Variants in ZNF479 observed in about 807,000 individuals in gnomAD.
ZNF479 encodes KRAB zinc finger protein KR19.
ZNF479 carries 15 observed loss-of-function variants against 14.7 expected under a neutral mutation model. The observed-to-expected ratio is 1.02, with a 90% confidence interval of 0.68 to 1.57. ZNF479 has a LOEUF of 1.57. Ranked by LOEUF, ZNF479 falls within the 40% of genes most tolerant of loss-of-function variation. The pLI is 0.00. For missense variants in ZNF479, 506 were observed against 615.1 expected (o/e 0.82, Z 1.88); for synonymous variants, 145 against 211.5 (o/e 0.69, Z 2.73).
At chr7:57,122,968 T>C (rs1277630845) in intron 3 of ZNF479, among the ~76,000 whole-genome samples, 4 of 152,050 alleles carry the variant, frequency 2.6e-5, no homozygotes, top group Admixed American at 2.0e-4. Flanking sequence ...TTTTCAATAA[T>C]AAAAAATTTA....
chr7:57,124,380 C>T (rs1358093008), intron 3 of ZNF479, among the ~76,000 whole-genome samples: 6 of 152,180 alleles, frequency 3.9e-5, no homozygotes, highest in Admixed American at 2.0e-4. Context: ...AATATAATCC[C>T]TTCAACAGCT....
chr7:57,134,056 A>G (rs1288592643), upstream of ZNF479, among the ~76,000 whole-genome samples: 1 of 152,208 alleles, frequency 6.6e-6, no homozygotes, highest in Non-Finnish European at 1.5e-5. Context: ...TGCAGTTCAC[A>G]CTAGCCACAT....
Position 57,117,878 on chromosome 7 carries a change from C to G in ZNF479, c.*1962G>C, listed in dbSNP as rs1469855492. On this transcript the variant is annotated 3_prime_UTR_variant, in exon 4 of 4. Transcript: ENST00000319636. Reference sequence around the variant, plus strand: ...TTTTATAGAAGAAAGAAGCATACCTCGAAGGTAATTATGAATCTCGAAAAA... The same window carrying G: ...TTTTATAGAAGAAAGAAGCATACCTGGAAGGTAATTATGAATCTCGAAAAA... Among the ~76,000 whole-genome samples, 1 of 152,238 alleles carries G rather than the reference C, an allele frequency of 6.6e-6. No individual in the cohort carries two copies. Among genetic ancestry groups the G allele is most frequent in the Admixed American group, 6.5e-5 (1 of 15,288 alleles).
chr7:57,131,728 C>A (rs914668902), intron 1 of ZNF479, among the ~76,000 whole-genome samples: 1 of 152,060 alleles, frequency 6.6e-6, no homozygotes, highest in East Asian at 1.9e-4. Flanking sequence ...CATAACTGTA[C>A]CAAACCAATT....
At chr7:57,129,146 A>G (rs1786309673) in intron 1 of ZNF479, among the ~76,000 whole-genome samples, 2 of 152,172 alleles carry the variant, frequency 1.3e-5, no homozygotes, top group African/African-American at 4.8e-5. Flanking sequence ...AGAAACCAAC[A>G]ATTTTCTTTA....
intron 1 of ZNF479, 56 bp from the exon 2 acceptor site, chr7:57,126,774 C>A: frequency 1.2e-6 from 2 of 1,602,140 alleles, no homozygotes; most frequent in Admixed American, 3.5e-5. Context: ...ACCACACGGC[C>A]ATAGGCAGAG....
chr7:57,135,960 A>T (rs1786627968), upstream of ZNF479, among the ~76,000 whole-genome samples: 1 of 131,262 alleles, frequency 7.6e-6, no homozygotes, highest in Non-Finnish European at 1.6e-5. Context: ...TGCCATAGGC[A>T]ATCTCTCTCT....
chr7:57,118,848 G>C lies in ZNF479; in HGVS notation c.*992C>G, dbSNP rs1186403061. Among the ~76,000 whole-genome samples, 1 of 137,460 alleles carries C rather than the reference G, an allele frequency of 7.3e-6. No homozygotes were observed. Among genetic ancestry groups the C allele is most frequent in the African/African-American group, 2.5e-5 (1 of 40,724 alleles). The allele number at this position is 137,460 out of a possible 152,430, so 90.2% of individuals were successfully genotyped here. The stretch of plus-strand genomic sequence containing the variant: ...TTCATATTTGTAGGAGTCTTCTTCA[G>C]TATAAACTATCTTACCTACCATAAC... On this transcript the variant is annotated 3_prime_UTR_variant, in exon 4 of 4. Transcript: ENST00000319636.
At chr7:57,129,357 G>T (rs894898181) in intron 1 of ZNF479, among the ~76,000 whole-genome samples, 3 of 152,114 alleles carry the variant, frequency 2.0e-5, no homozygotes, top group Non-Finnish European at 2.9e-5. Context: ...CCAGGAATGG[G>T]CTTTTACAAG....
At chr7:57,121,633 C>T (rs1785953193) in intron 3 of ZNF479, among the ~76,000 whole-genome samples, 1 of 152,110 alleles carries the variant, frequency 6.6e-6, no homozygotes, top group Non-Finnish European at 1.5e-5. Context: ...GCAGACAAAA[C>T]ACATCCTGAG....
upstream of ZNF479, among the ~76,000 whole-genome samples, chr7:57,137,429 T>A (rs563768254): frequency 7.0e-4 from 107 of 152,288 alleles, 1 homozygote; most frequent in Non-Finnish European, 1.3e-3. Context: ...ACTCCCAAAG[T>A]GCTACGATTA....
At chr7:57,136,671 T>TGCTGTAGCTCAGTA, upstream of ZNF479, among the ~76,000 whole-genome samples, 1 of 152,204 alleles carries the variant, frequency 6.6e-6, no homozygotes, top group East Asian at 1.9e-4. Context: ...GACTGCTCCA[T>TGCTGTAGCTCAGTA]GCTGTAGCTC....
intron 1 of ZNF479, 150 bp downstream of exon 1, chr7:57,132,136 G>A: frequency 3.6e-6 from 5 of 1,400,924 alleles, no homozygotes; most frequent in Non-Finnish European, 5.0e-6. Flanking sequence ...CTTGCGGCTG[G>A]AGGGGACGAG....
At chr7:57,124,129 T>C (rs1323930357) in intron 3 of ZNF479, among the ~76,000 whole-genome samples, 2 of 152,070 alleles carry the variant, frequency 1.3e-5, no homozygotes, top group African/African-American at 4.8e-5. Flanking sequence ...TCCTGAAATA[T>C]TGTTTAAAAT....
rs1785883664 is a variant in ZNF479 at position 57,120,595 on chromosome 7, A to C, written c.820T>G (p.Cys274Gly). The change falls in exon 4 of 4, where the codon TGT (cysteine) becomes GGT (glycine). Residue 274 changes from cysteine to glycine, a missense_variant. Around this residue, in one of 3 missense-constraint regions of ZNF479, gnomAD observed 420 missense variants for 474.2 expected, o/e 0.89. Transcript: ENST00000319636. Reference sequence around the variant, plus strand: ...GAGGAGCGCCTAAAGGCTTGGCCACATTCTTCACACGTGTAGGGTTTCTCT... The same window carrying C: ...GAGGAGCGCCTAAAGGCTTGGCCACCTTCTTCACACGTGTAGGGTTTCTCT... ...TGEKPYTCEECGQAFRRSSAL... is the reference protein window; with the variant it reads ...TGEKPYTCEEGGQAFRRSSAL... 6.2e-7 allele frequency: 1 copy of C among 1,613,872 alleles called. No individual in the cohort carries two copies. The highest frequency in any genetic ancestry group is 1.3e-5 in the African/African-American group (1 of 74,916).
At chr7:57,126,556 A>C in intron 2 of ZNF479, 36 bp downstream of exon 2, 1 of 1,576,902 alleles carries the variant, frequency 6.3e-7, no homozygotes, top group Non-Finnish European at 8.6e-7. Context: ...AGAGAAAAGC[A>C]ATATATTAGG....
At chr7:57,128,997 G>A (rs2115884401) in intron 1 of ZNF479, among the ~76,000 whole-genome samples, 1 of 152,164 alleles carries the variant, frequency 6.6e-6, no homozygotes, top group Non-Finnish European at 1.5e-5. Flanking sequence ...CACACCCACG[G>A]CAGAAAGACC....
chr7:57,130,253 T>C lies in ZNF479; in HGVS notation c.39+2033A>G, dbSNP rs181095771. Among the ~76,000 whole-genome samples the C allele has an allele frequency of 1.9e-4, 29 of 152,234 alleles. No homozygotes were observed. The East Asian group carries it at 5.2e-3, about 27-fold the overall frequency. ...ACTTTGGGAGGCCAGGGCGGGAAGA[T>C]CACGAGTTCAGGGGTTTGAGACCAG... is the stretch of plus-strand genomic sequence containing the variant. On this transcript the variant is annotated intron_variant, in intron 1 of 3. Transcript: ENST00000319636.
Position 57,120,077 on chromosome 7 carries a change from A to T in ZNF479, c.1338T>A (p.Phe446Leu). Residue 446 changes from phenylalanine to leucine, a missense_variant, in exon 4 of 4, where the codon TTT becomes TTA. Transcript: ENST00000319636. ...GGTCAGTGAGGGTTGAGGATAAGCT[A>T]AAGGCTTTGCCACATTCTTCACATT... ...PYKCEECGKAFSLSSTLTDHK... is the reference protein window; with the variant it reads ...PYKCEECGKALSLSSTLTDHK... 2 of 1,613,978 alleles carry T rather than the reference A, an allele frequency of 1.2e-6. No homozygotes were observed. The highest frequency in any genetic ancestry group is 1.7e-6 in the Non-Finnish European group (2 of 1,179,936).
Sources: gnomAD v4.1 joint callset for allele counts (sites outside exome capture counted in the v4.1 genomes callset) on GRCh38, gnomAD v4.1.1 for gene constraint, gnomAD v4.1.1 regional missense constraint, MANE v1.5 for transcripts, NCBI Gene and HGNC (gene_info 2026-07-23, HGNC 2026-07-21) for gene names.